Variants in TOGARAM1 observed in about 807,000 individuals in gnomAD.
TOGARAM1 encodes TOG array regulator of axonemal microtubules 1.
Under a neutral mutation model 166.6 loss-of-function variants are expected in TOGARAM1, and 100 were observed. The observed-to-expected ratio is 0.60, with a 90% CI of 0.51 to 0.71. The LOEUF is 0.71. Among genes scored for constraint, TOGARAM1 ranks in the 30% least tolerant of loss-of-function variants. TOGARAM1 has a pLI of 0.00. For synonymous variants in TOGARAM1, 758 were observed against 763.8 expected (o/e 0.99, Z 0.13); for missense variants, 2,029 against 2,102.7 (o/e 0.96, Z 0.69).
At chr14:45,025,733 A>G (rs1289072417) in intron 7 of TOGARAM1, 50 bp from the exon 8 acceptor site, 3 of 1,032,564 alleles carry the variant, frequency 2.9e-6, no homozygotes, top group Non-Finnish European at 4.5e-6. Flanking sequence ...GATACTACAT[A>G]ATAAGCAAAT....
intron 7 of TOGARAM1, among the ~76,000 whole-genome samples, chr14:45,025,082 T>C (rs1880751727): frequency 3.9e-5 from 6 of 152,178 alleles, no homozygotes; most frequent in Admixed American, 3.9e-4. Context: ...TCTAGTAGGA[T>C]TGTAAATAAA....
At chr14:45,052,659 C>A (rs898391873) in intron 15 of TOGARAM1, 97 bp downstream of exon 15, 1 of 1,156,074 alleles carries the variant, frequency 8.6e-7, no homozygotes, top group East Asian at 2.5e-5. Context: ...TTGATTATTT[C>A]TCTGTTAATC....
chr14:45,024,357 T>A (rs962711953), intron 7 of TOGARAM1, among the ~76,000 whole-genome samples: 2 of 152,164 alleles, frequency 1.3e-5, no homozygotes, highest in Non-Finnish European at 2.9e-5. Flanking sequence ...ATAATGATAT[T>A]TGTGTGTGAA....
intron 4 of TOGARAM1, 47 bp from the exon 5 acceptor site, chr14:45,005,961 C>G: frequency 6.8e-7 from 1 of 1,480,050 alleles, no homozygotes; most frequent in Non-Finnish European, 9.0e-7. Context: ...ACTCCCTCTT[C>G]TCTAAAATTA....
chr14:44,983,286 G>A (rs192013163), intron 1 of TOGARAM1, among the ~76,000 whole-genome samples: 60 of 152,248 alleles, frequency 3.9e-4, no homozygotes, highest in African/African-American at 1.4e-3. Flanking sequence ...CTTTTTCTCT[G>A]AAGTTAAAGG....
At chr14:44,995,178 A>T (rs369991326) in intron 1 of TOGARAM1, among the ~76,000 whole-genome samples, 2 of 152,210 alleles carry the variant, frequency 1.3e-5, no homozygotes, top group South Asian at 2.1e-4. Flanking sequence ...AAGGACTTGG[A>T]AACTATGAAG....
intron 1 of TOGARAM1, among the ~76,000 whole-genome samples, chr14:44,989,411 A>G (rs758621064): frequency 6.6e-6 from 1 of 152,164 alleles, no homozygotes; most frequent in Admixed American, 6.5e-5. Flanking sequence ...ATTGAATGTT[A>G]TAAATTTTGT....
At chr14:45,070,765 A>G (rs1883342118) in intron 18 of TOGARAM1, among the ~76,000 whole-genome samples, 1 of 152,190 alleles carries the variant, frequency 6.6e-6, no homozygotes, top group African/African-American at 2.4e-5. Flanking sequence ...CCAAGGGTCA[A>G]TTGTAGTTAT....
chr14:45,052,610 G>T (rs1325566782), intron 15 of TOGARAM1, 48 bp downstream of exon 15: 2 of 1,516,788 alleles, frequency 1.3e-6, no homozygotes, highest in African/African-American at 2.8e-5. Flanking sequence ...AGCAAAGCTT[G>T]TTTTTACATC....
At chr14:44,964,751 A>G (rs1017727257) in intron 1 of TOGARAM1, among the ~76,000 whole-genome samples, 19 of 152,138 alleles carry the variant, frequency 1.2e-4, no homozygotes, top group African/African-American at 4.1e-4. Context: ...TATCTCATTC[A>G]TACAACAAAC....
At chr14:44,970,023 G>GT (rs1360642991) in intron 1 of TOGARAM1, among the ~76,000 whole-genome samples, 5 of 152,188 alleles carry the variant, frequency 3.3e-5, no homozygotes, top group Admixed American at 2.6e-4. Context: ...ACTCTTCTGG[G>GT]TTTTTTGCCT....
intron 1 of TOGARAM1, among the ~76,000 whole-genome samples, chr14:44,985,751 G>C (rs1886761780): frequency 6.6e-6 from 1 of 152,254 alleles, no homozygotes; most frequent in East Asian, 1.9e-4. Flanking sequence ...TGGCCCAGGA[G>C]TTGGGAAACT....
chr14:45,031,434 C>G (rs1271667281), intron 10 of TOGARAM1, among the ~76,000 whole-genome samples: 1 of 152,156 alleles, frequency 6.6e-6, no homozygotes, highest in Admixed American at 6.5e-5. Context: ...AAACATCATT[C>G]TTATTACTAC....
intron 3 of TOGARAM1, among the ~76,000 whole-genome samples, chr14:45,003,841 A>G (rs1044098298): frequency 8.0e-5 from 11 of 137,786 alleles, no homozygotes; most frequent in African/African-American, 3.2e-4. Flanking sequence ...GTTAATTTAT[A>G]AATGTTAGTA....
At chr14:45,049,809 C>A (rs576595207) in intron 14 of TOGARAM1, among the ~76,000 whole-genome samples, 1 of 151,824 alleles carries the variant, frequency 6.6e-6, no homozygotes, top group East Asian at 1.9e-4. Flanking sequence ...AAAGGATGTT[C>A]TTTTCTCCCT....
chr14:44,989,112 A>T (rs990988685), intron 1 of TOGARAM1, among the ~76,000 whole-genome samples: 3 of 152,248 alleles, frequency 2.0e-5, no homozygotes, highest in South Asian at 4.1e-4. Flanking sequence ...ACAGCAATAC[A>T]TAATGATAGT....
intron 3 of TOGARAM1, 138 bp from the exon 4 acceptor site, chr14:45,003,923 G>A (rs1189987790): frequency 1.7e-6 from 1 of 575,270 alleles, no homozygotes; most frequent in Non-Finnish European, 2.9e-6. Flanking sequence ...AATTAAATTA[G>A]TCCTTTACCT....
intron 16 of TOGARAM1, among the ~76,000 whole-genome samples, chr14:45,055,800 C>CAA (rs35535638): frequency 0.15 from 7,000 of 47,130 alleles, 566 homozygotes; most frequent in African/African-American, 0.25. Flanking sequence ...GACTCCATCT[C>CAA]AAAAAAAAAA....
At chr14:45,067,838 A>T (rs765649791) in intron 17 of TOGARAM1, among the ~76,000 whole-genome samples, 5 of 152,158 alleles carry the variant, frequency 3.3e-5, no homozygotes, top group Non-Finnish European at 7.4e-5. Flanking sequence ...TGACTAAAGG[A>T]TTGTTTAGCA....
Sources: allele counts gnomAD v4.1 joint callset (sites outside exome capture counted in the v4.1 genomes callset), GRCh38; gene constraint gnomAD v4.1.1; transcripts MANE v1.5; gene names NCBI Gene and HGNC (gene_info 2026-07-23, HGNC 2026-07-21).